The following ADAMTS16 variants were observed in gnomAD, a reference collection of about 807,000 sequenced individuals.
ADAMTS16 encodes ADAM metallopeptidase with thrombospondin type 1 motif 16.
A neutral mutation model predicts 145.8 loss-of-function variants in ADAMTS16; 94 were observed. The observed-to-expected ratio is 0.64, with a 90% CI of 0.55 to 0.77. ADAMTS16 has a LOEUF of 0.77. Among genes scored for constraint, ADAMTS16 ranks in the 30% least tolerant of loss-of-function variants. ADAMTS16 has a pLI of 0.00. For synonymous variants in ADAMTS16, 659 were observed against 604.3 expected (o/e 1.09, Z -1.33); for missense variants, 1,585 against 1,591.5 (o/e 1.00, Z 0.07).
intron 21 of ADAMTS16, among the ~76,000 whole-genome samples, chr5:5,314,122 C>T (rs573703683): frequency 2.0e-5 from 3 of 152,144 alleles, no homozygotes; most frequent in Non-Finnish European, 4.4e-5. Context: ...CCATCCCATC[C>T]TGAAATGAGC....
intron 17 of ADAMTS16, among the ~76,000 whole-genome samples, chr5:5,253,970 G>A (rs1428131651): frequency 2.6e-5 from 4 of 152,176 alleles, no homozygotes; most frequent in African/African-American, 9.7e-5. Flanking sequence ...GAAAGAGCTT[G>A]TGTCTTTTCG....
At chr5:5,184,393 T>C (rs1735439588) in intron 4 of ADAMTS16, among the ~76,000 whole-genome samples, 5 of 152,122 alleles carry the variant, frequency 3.3e-5, no homozygotes, top group Admixed American at 3.3e-4. Context: ...CACGGACACA[T>C]CCTCAGTGCC....
chr5:5,205,636 A>C (rs890285032), intron 9 of ADAMTS16, among the ~76,000 whole-genome samples: 1 of 152,194 alleles, frequency 6.6e-6, no homozygotes, highest in South Asian at 2.1e-4. Context: ...CACTATTCTA[A>C]GAGGTGTGTA....
intron 8 of ADAMTS16, among the ~76,000 whole-genome samples, chr5:5,196,433 T>C (rs1349846266): frequency 1.3e-5 from 2 of 151,996 alleles, no homozygotes; most frequent in African/African-American, 4.8e-5. Flanking sequence ...GGGAGGCATG[T>C]GGTGATTTTT....
chr5:5,303,632 C>A lies in ADAMTS16; in HGVS notation c.3052C>A (p.Pro1018Thr). 1 of 1,614,130 alleles carries A rather than the reference C, an allele frequency of 6.2e-7. No individual in the cohort carries two copies. Among genetic ancestry groups the A allele is most frequent in the East Asian group, 2.2e-5 (1 of 44,868 alleles). Residue 1018 changes from proline (P) to threonine (T), a missense_variant, in exon 20 of 23, where the codon CCC (proline) becomes ACC (threonine). By Grantham distance (38) the Pro-to-Thr change is conservative (BLOSUM62 -1). Coordinates refer to ENST00000274181, the MANE Select transcript of ADAMTS16 (RefSeq NM_139056.4). ...GGCAGTGGCCTGTAAGAGCACCAACCCCTCGGCCAGAGCGCAGCTGCTGCC... is the reference window on the plus strand; with the variant it reads ...GGCAGTGGCCTGTAAGAGCACCAACACCTCGGCCAGAGCGCAGCTGCTGCC... ...KRAVACKSTN[P>T]SARAQLLPDA...
chr5:5,190,087 T>C lies in ADAMTS16; in HGVS notation c.1164T>C (p.Gly388=), dbSNP rs1248969102. ...TRHDHAILLT[G]LDICSWKNEP... Reference sequence around the variant, plus strand: ...ATGACCACGCCATCTTACTGACTGGTCTGGATATATGTTCCTGGAAGAATG... The same window carrying C: ...ATGACCACGCCATCTTACTGACTGGCCTGGATATATGTTCCTGGAAGAATG... Residue 388 remains glycine, a synonymous_variant, in exon 7 of 23, where the codon GGT becomes GGC. Transcript: ENST00000274181. The C allele has an allele frequency of 8.1e-6, 13 of 1,611,424 alleles. No individual in the cohort carries two copies. The highest frequency in any genetic ancestry group is 1.1e-5 in the Non-Finnish European group (13 of 1,179,010).
At chr5:5,198,562 C>G (rs1395754562) in intron 8 of ADAMTS16, among the ~76,000 whole-genome samples, 1 of 152,160 alleles carries the variant, frequency 6.6e-6, no homozygotes, top group Non-Finnish European at 1.5e-5. Flanking sequence ...TAGTCTTTCT[C>G]CAGTCCTCGG....
At chr5:5,159,016 C>T (rs768517289) in intron 3 of ADAMTS16, among the ~76,000 whole-genome samples, 12 of 152,218 alleles carry the variant, frequency 7.9e-5, no homozygotes, top group South Asian at 6.2e-4. Flanking sequence ...TGGCGCTTCT[C>T]GTAAAATCAG....
At position 5,239,779 on chromosome 5, in the gene ADAMTS16, A is replaced by G; in HGVS notation, c.2377A>G (p.Arg793Gly). The G allele has an allele frequency of 6.2e-7, 1 of 1,614,184 alleles. No homozygotes were observed. The highest frequency in any genetic ancestry group is 1.1e-5 in the South Asian group (1 of 91,082). Residue 793 changes from arginine to glycine, a missense_variant, in exon 16 of 23, where the codon AGA (arginine) becomes GGA (glycine). Coordinates refer to ENST00000274181, the MANE Select transcript of ADAMTS16 (RefSeq NM_139056.4). ...CTACATTTCTGTGCGCAATGCCCTCAGAAGGTACTACCTGAATGGGCACTG... is the reference window on the plus strand; with the variant it reads ...CTACATTTCTGTGCGCAATGCCCTCGGAAGGTACTACCTGAATGGGCACTG... ...TSYISVRNAL[R>G]RYYLNGHWTV...
intron 17 of ADAMTS16, among the ~76,000 whole-genome samples, chr5:5,258,835 T>A (rs1238414345): frequency 6.6e-6 from 1 of 150,416 alleles, no homozygotes; most frequent in Non-Finnish European, 1.5e-5. Context: ...TATATGTATA[T>A]GTATATATAT....
At chr5:5,316,582 G>A (rs1374843094) in intron 21 of ADAMTS16, among the ~76,000 whole-genome samples, 4 of 152,142 alleles carry the variant, frequency 2.6e-5, no homozygotes, top group South Asian at 2.1e-4. Flanking sequence ...TCTGTGGCAT[G>A]TGCATTATGC....
intron 3 of ADAMTS16, among the ~76,000 whole-genome samples, chr5:5,170,632 C>T (rs1313629269): frequency 6.6e-6 from 1 of 152,172 alleles, no homozygotes; most frequent in African/African-American, 2.4e-5. Context: ...CCCGCCTCAG[C>T]CCCCCAAAGT....
At chr5:5,175,860 G>C (rs1735178963) in intron 3 of ADAMTS16, 1 of 152,386 alleles carries the variant, frequency 6.6e-6, no homozygotes, top group Non-Finnish European at 1.5e-5. Flanking sequence ...GATTCTGTCT[G>C]TGCCATGTGG....
At chr5:5,203,892 C>A (rs1371138527) in intron 9 of ADAMTS16, among the ~76,000 whole-genome samples, 1 of 152,158 alleles carries the variant, frequency 6.6e-6, no homozygotes. Context: ...GTACCCCATA[C>A]TACTTCTGTT....
intron 3 of ADAMTS16, among the ~76,000 whole-genome samples, chr5:5,169,907 T>G (rs76723048): frequency 0.04 from 6,025 of 152,274 alleles, 356 homozygotes; most frequent in African/African-American, 0.13. Flanking sequence ...ATGTTGAGGC[T>G]CTTCACCTTC....
intron 17 of ADAMTS16, among the ~76,000 whole-genome samples, chr5:5,258,660 G>T (rs889380192): frequency 6.6e-6 from 1 of 152,200 alleles, no homozygotes; most frequent in Non-Finnish European, 1.5e-5. Context: ...CAGGTGGAGA[G>T]AACAGCAGGT....
At chr5:5,147,954 G>A (rs1734349196) in intron 3 of ADAMTS16, among the ~76,000 whole-genome samples, 1 of 152,196 alleles carries the variant, frequency 6.6e-6, no homozygotes, top group Non-Finnish European at 1.5e-5. Context: ...CTGTGCCCTG[G>A]AATCTGTTCC....
intron 2 of ADAMTS16, among the ~76,000 whole-genome samples, chr5:5,145,039 G>A (rs551925761): frequency 1.4e-3 from 214 of 152,298 alleles, no homozygotes; most frequent in African/African-American, 4.7e-3. Flanking sequence ...GGGGCCTCAC[G>A]GGAGCCTTGC....
chr5:5,182,820 T>C lies in ADAMTS16; in HGVS notation c.763+515T>C, dbSNP rs530870127. On this transcript the variant is annotated intron_variant, in intron 4 of 22. Coordinates refer to ENST00000274181, the MANE Select transcript of ADAMTS16 (RefSeq NM_139056.4). ...TGAACATTTAGGAAATGGTTTATTA[T>C]TTACATTTTTATGTAGAAACCTCTC... Among the ~76,000 whole-genome samples the C allele has an allele frequency of 3.9e-5, 6 of 152,330 alleles. No homozygotes were observed. In the East Asian group the frequency reaches 1.2e-3, roughly 29 times the overall value.
Sources: gnomAD v4.1 joint callset for allele counts (sites outside exome capture counted in the v4.1 genomes callset) on GRCh38, gnomAD v4.1.1 for gene constraint, MANE v1.5 for transcripts, NCBI Gene and HGNC (gene_info 2026-07-23, HGNC 2026-07-21) for gene names.